The following HP1BP3 variants were observed in gnomAD, a reference collection of about 807,000 sequenced individuals.
HP1BP3 encodes heterochromatin protein 1-binding protein 3.
A neutral mutation model predicts 62.5 loss-of-function variants in HP1BP3; 12 were observed. The ratio of observed to expected loss-of-function variants is 0.19; its 90% CI spans 0.12 to 0.31. The LOEUF (loss-of-function observed/expected upper bound fraction) is 0.31. Among genes scored for constraint, HP1BP3 ranks in the 10% least tolerant of loss-of-function variants. The probability of loss-of-function intolerance (pLI) is 1.00; values close to 1 mark genes in which losing one functional copy is unlikely to be tolerated. For synonymous variants in HP1BP3, 260 were observed against 237.8 expected (o/e 1.09, Z -0.86); for missense variants, 502 against 651.8 (o/e 0.77, Z 2.50).
At chr1:20,762,250 AG>A (rs1432598292) in intron 8 of HP1BP3, among the ~76,000 whole-genome samples, 1 of 152,300 alleles carries the variant, frequency 6.6e-6, no homozygotes, top group East Asian at 1.9e-4. Flanking sequence ...CCATGAGAAA[AG>A]GTCTTCAGGT....
At chr1:20,754,865 C>CT (rs1465851332) in intron 9 of HP1BP3, among the ~76,000 whole-genome samples, 1 of 152,146 alleles carries the variant, frequency 6.6e-6, no homozygotes, top group Non-Finnish European at 1.5e-5. Flanking sequence ...TTATAAAACT[C>CT]TTAAAACGTA....
At chr1:20,776,407 G>A (rs139494489) in intron 4 of HP1BP3, 190 bp downstream of exon 4, 22 of 526,238 alleles carry the variant, frequency 4.2e-5, no homozygotes, top group Middle Eastern at 5.0e-4. Context: ...ATTGTGTTCT[G>A]CTAACTACAG....
chr1:20,771,063 T>A lies in HP1BP3; in HGVS notation c.521A>T (p.Gln174Leu). 1 of 1,601,270 alleles carries A rather than the reference T, an allele frequency of 6.2e-7. No individual in the cohort carries two copies. Among genetic ancestry groups the A allele is most frequent in the Non-Finnish European group, 8.5e-7 (1 of 1,175,792 alleles). ...ILTEAIKACF[Q>L]KSGASVVAIR... ...AGCAACCACTGATGCACCACTCTTC[T>A]GGAAGCATGCCTAGAAAAGATTTAT... Residue 174 changes from glutamine (Q) to leucine (L), a missense_variant, in exon 6 of 13, where the codon CAG (glutamine) becomes CTG (leucine). Transcript: ENST00000438032.
Position 20,765,508 on chromosome 1 carries a change from T to C in HP1BP3, c.759A>G (p.Pro253=). 1 of 1,613,390 alleles carries C rather than the reference T, an allele frequency of 6.2e-7. No homozygotes were observed. Among genetic ancestry groups the C allele is most frequent in the Non-Finnish European group, 8.5e-7 (1 of 1,179,458 alleles). ...CATCCTCCAATTTTACTTGTGGTTCTGGATCCACTGCAGAGCTCCTATTCT... is the reference window on the plus strand; with the variant it reads ...CATCCTCCAATTTTACTTGTGGTTCCGGATCCACTGCAGAGCTCCTATTCT... ...NRKNRSSAVD[P]EPQVKLEDVL... The change falls in exon 8 of 13, where the codon CCA becomes CCG. Residue 253 remains proline (P), a synonymous_variant. Coordinates refer to ENST00000438032, the MANE Select transcript of HP1BP3 (RefSeq NM_001372052.1).
chr1:20,776,359 C>T, intron 4 of HP1BP3: 1 of 443,632 alleles, frequency 2.3e-6, no homozygotes, highest in Non-Finnish European at 3.9e-6. Flanking sequence ...AAAACACATT[C>T]CAAAGCCAAT....
chr1:20,748,932 G>A (rs1343947429), intron 10 of HP1BP3, among the ~76,000 whole-genome samples: 1 of 152,100 alleles, frequency 6.6e-6, no homozygotes, highest in Non-Finnish European at 1.5e-5. Flanking sequence ...TGCTGATAAG[G>A]CAGGGTGTCT....
intron 5 of HP1BP3, 99 bp from the exon 6 acceptor site, chr1:20,771,172 T>A: frequency 2.0e-6 from 2 of 979,220 alleles, no homozygotes; most frequent in Middle Eastern, 2.1e-4. Flanking sequence ...TGATGATAGA[T>A]GACAAAAACG....
Position 20,742,613 on chromosome 1 carries a change from G to A in HP1BP3, c.*2184C>T, listed in dbSNP as rs1557625936. 1.3e-5 allele frequency: 2 copies of A among 152,490 alleles called. No individual in the cohort carries two copies. The highest frequency in any genetic ancestry group is 1.3e-4 in the Admixed American group (2 of 15,262). 9.4% of individuals were successfully genotyped at this position (152,490 alleles called of 1,614,324 possible). A position where few individuals can be genotyped will look rare whatever the true frequency, so the allele number is the denominator to read the frequency against. ...GGAGTAGAAAAGACTTAAAGTGAGG[G>A]CGACACTTAGCTACTTCTGAGGATA... On this transcript the variant is annotated 3_prime_UTR_variant, in exon 13 of 13. Coordinates refer to ENST00000438032, the MANE Select transcript of HP1BP3 (RefSeq NM_001372052.1).
At chr1:20,770,735 A>T (rs1450083275) in intron 6 of HP1BP3, among the ~76,000 whole-genome samples, 195 bp downstream of exon 6, 2 of 152,196 alleles carry the variant, frequency 1.3e-5, no homozygotes, top group Non-Finnish European at 2.9e-5. Flanking sequence ...AGCTAGAAAA[A>T]AGTTACACTA....
In HP1BP3 at chr1:20,777,744, C is replaced by T. The variant is rs191225746; in HGVS notation, c.197-994G>A. On this transcript the variant is annotated intron_variant, in intron 3 of 12. Transcript: ENST00000438032. ...AAATTCTGGGATTACAGGCGTGAGC[C>T]ACCGCGCCCAGCTATAAAGAGAATT... 5.1e-3 allele frequency among the ~76,000 whole-genome samples: 780 copies of T among 152,330 alleles called. 7 individuals are homozygous for T. The highest frequency in any genetic ancestry group is 0.018 in the African/African-American group (749 of 41,576).
chr1:20,755,672 G>T lies in HP1BP3; in HGVS notation c.981+1494C>A, dbSNP rs146161523. ...CAGCAAGTCCTAAAAACATATCCAC[G>T]CAGACTTGAACATAAATGTTCATAG... On this transcript the variant is annotated intron_variant, in intron 9 of 12. Transcript: ENST00000438032. Among the ~76,000 whole-genome samples, 25 of 152,086 alleles carry T rather than the reference G, an allele frequency of 1.6e-4. No individual in the cohort carries two copies. In the East Asian group the frequency reaches 4.1e-3, roughly 25 times the overall value.
At chr1:20,780,248 C>T (rs1173596358) in intron 2 of HP1BP3, 97 bp downstream of exon 2, 7 of 863,988 alleles carry the variant, frequency 8.1e-6, no homozygotes, top group Non-Finnish European at 1.4e-5. Flanking sequence ...CTAGACTCCC[C>T]AAAGTAAGGG....
intron 4 of HP1BP3, chr1:20,773,897 G>T: frequency 4.6e-6 from 1 of 219,390 alleles, no homozygotes; most frequent in Non-Finnish European, 8.8e-6. Flanking sequence ...ATTTTAAAAT[G>T]CACATTAGTT....
intron 5 of HP1BP3, 54 bp downstream of exon 5, chr1:20,773,397 A>C: frequency 6.7e-7 from 1 of 1,494,022 alleles, no homozygotes; most frequent in East Asian, 2.3e-5. Flanking sequence ...TTTTCAAATA[A>C]GAAAAAAATG....
At chr1:20,765,574 A>C (rs545128388) in intron 7 of HP1BP3, 43 bp from the exon 8 acceptor site, 22 of 1,516,522 alleles carry the variant, frequency 1.5e-5, no homozygotes, top group Non-Finnish European at 2.0e-5. Context: ...ATAGAACGTA[A>C]ATGTTTCTAC....
chr1:20,776,397 AT>A (rs1207770826), intron 4 of HP1BP3, 199 bp downstream of exon 4: 1 of 506,448 alleles, frequency 2.0e-6, no homozygotes. Flanking sequence ...TATTCAAACC[AT>A]TGTGTTCTGC....
At chr1:20,761,244 A>G (rs2056454760) in intron 8 of HP1BP3, among the ~76,000 whole-genome samples, 1 of 152,010 alleles carries the variant, frequency 6.6e-6, no homozygotes, top group African/African-American at 2.4e-5. Flanking sequence ...ATGGGGTTTC[A>G]CCATGTTGGC....
rs955983239 is a variant in HP1BP3 at position 20,740,484 on chromosome 1, G to A, written c.*4313C>T. Among the ~76,000 whole-genome samples, 49 of 152,182 alleles carry A rather than the reference G, an allele frequency of 3.2e-4. No homozygotes were observed. The highest frequency in any genetic ancestry group is 1.2e-3 in the African/African-American group (48 of 41,442). On this transcript the variant is annotated 3_prime_UTR_variant, in exon 13 of 13. Coordinates refer to ENST00000438032, the MANE Select transcript of HP1BP3 (RefSeq NM_001372052.1). ...ATCAAAGGTAGAAAGTTTTCCAACAGGAAAAAAGCCACTGAAGTTAACAGT... is the reference window on the plus strand; with the variant it reads ...ATCAAAGGTAGAAAGTTTTCCAACAAGAAAAAAGCCACTGAAGTTAACAGT...
intron 7 of HP1BP3, among the ~76,000 whole-genome samples, chr1:20,766,851 G>C (rs1023336876): frequency 3.9e-5 from 6 of 152,284 alleles, no homozygotes; most frequent in Non-Finnish European, 8.8e-5. Context: ...GCTGAGGCAG[G>C]ACAAGCACTT....
Sources: gnomAD v4.1 joint callset for allele counts (sites outside exome capture counted in the v4.1 genomes callset) on GRCh38, gnomAD v4.1.1 for gene constraint, MANE v1.5 for transcripts, NCBI Gene and HGNC (gene_info 2026-07-23, HGNC 2026-07-21) for gene names.